Variants in PCDH9 observed in about 807,000 individuals in gnomAD.
The protein encoded by PCDH9 is protocadherin-9.
PCDH9 carries 24 observed loss-of-function variants against 70.6 expected under a neutral mutation model. The observed-to-expected ratio is 0.34, with a 90% CI of 0.25 to 0.48. The LOEUF is 0.48. Ranked by LOEUF, PCDH9 falls within the 20% of genes least tolerant of loss-of-function variation. The probability of loss-of-function intolerance (pLI) is 0.99; values close to 1 mark genes in which losing one functional copy is unlikely to be tolerated. For synonymous variants in PCDH9, 562 were observed against 558.5 expected, an observed-to-expected ratio of 1.01 and a Z score of -0.09; for missense variants, 1,281 against 1,503.6, an observed-to-expected ratio of 0.85 and a Z score of 2.45.
At chr13:66,812,716 ATGACCAAG>A (rs1463940887) in intron 3 of PCDH9, among the ~76,000 whole-genome samples, 1 of 152,242 alleles carries the variant, frequency 6.6e-6, no homozygotes, top group Non-Finnish European at 1.5e-5. Flanking sequence ...GACTAATCTT[ATGACCAAG>A]TGACCACAGT....
At chr13:66,874,237 G>A (rs2081755271) in intron 3 of PCDH9, among the ~76,000 whole-genome samples, 3 of 152,106 alleles carry the variant, frequency 2.0e-5, no homozygotes, top group Non-Finnish European at 2.9e-5. Flanking sequence ...GATTATAATA[G>A]ATTATGACAA....
At chr13:66,688,517 A>C (rs1367806256) in intron 3 of PCDH9, among the ~76,000 whole-genome samples, 1 of 152,134 alleles carries the variant, frequency 6.6e-6, no homozygotes, top group Admixed American at 6.6e-5. Flanking sequence ...TGAAAGTAGA[A>C]GTGGAAAGCT....
chr13:66,535,593 C>G (rs1208803435), intron 4 of PCDH9, among the ~76,000 whole-genome samples: 1 of 152,028 alleles, frequency 6.6e-6, no homozygotes, highest in South Asian at 2.1e-4. Context: ...TGAATTGCCA[C>G]TTTCCAGAAT....
At chr13:66,446,451 G>A (rs1291290358) in intron 4 of PCDH9, among the ~76,000 whole-genome samples, 5 of 151,910 alleles carry the variant, frequency 3.3e-5, no homozygotes, top group Non-Finnish European at 5.9e-5. Flanking sequence ...AAGATGAGTA[G>A]GAAAAAGAAG....
chr13:66,865,185 T>G (rs2081552196), intron 3 of PCDH9, among the ~76,000 whole-genome samples: 1 of 152,210 alleles, frequency 6.6e-6, no homozygotes, highest in Admixed American at 6.5e-5. Context: ...AAATGAATTT[T>G]TAGACGTGGT....
At chr13:66,447,475 T>C (rs1354017448) in intron 4 of PCDH9, among the ~76,000 whole-genome samples, 1 of 152,140 alleles carries the variant, frequency 6.6e-6, no homozygotes, top group Admixed American at 6.5e-5. Context: ...AGAAATTTAC[T>C]TGTGTCTCTC....
At chr13:67,179,362 T>A (rs1594619875) in intron 2 of PCDH9, among the ~76,000 whole-genome samples, 2 of 152,120 alleles carry the variant, frequency 1.3e-5, no homozygotes, top group African/African-American at 4.8e-5. Context: ...ATGGGATCAT[T>A]CAGACTTAAA....
At chr13:66,820,758 A>G (rs1318073755) in intron 3 of PCDH9, among the ~76,000 whole-genome samples, 1 of 152,198 alleles carries the variant, frequency 6.6e-6, no homozygotes, top group Non-Finnish European at 1.5e-5. Context: ...ACAGAAAACT[A>G]AATACTTCAT....
intron 2 of PCDH9, among the ~76,000 whole-genome samples, chr13:67,148,073 A>G (rs913493): frequency 0.2 from 29,799 of 152,134 alleles, 3,508 homozygotes; most frequent in Non-Finnish European, 0.25. Context: ...GTCCCCAGTG[A>G]AAAGTTGAGA....
intron 4 of PCDH9, among the ~76,000 whole-genome samples, chr13:66,623,183 A>C (rs2077452159): frequency 6.6e-6 from 1 of 152,206 alleles, no homozygotes; most frequent in South Asian, 2.1e-4. Context: ...CCAACAACCC[A>C]CCAATTCCGG....
chr13:66,343,260 T>A (rs1227480918), intron 4 of PCDH9, among the ~76,000 whole-genome samples: 1 of 152,178 alleles, frequency 6.6e-6, no homozygotes, highest in African/African-American at 2.4e-5. Context: ...CCATTTATCA[T>A]GTCACAATTC....
rs1410024876 is a variant in PCDH9 at position 66,845,607 on chromosome 13, A to G, written c.3138+57897T>C. On this transcript the variant is annotated intron_variant, in intron 3 of 4. Coordinates refer to ENST00000377865, the MANE Select transcript of PCDH9 (RefSeq NM_203487.3). ...AGTGCACAGGGATGCCTGGATCCAC[A>G]GCGCTAGCTTGGGCAGCAGCCGCTG... is the stretch of plus-strand genomic sequence containing the variant. Among the ~76,000 whole-genome samples the G allele has an allele frequency of 2.6e-5, 4 of 152,130 alleles. No individual in the cohort carries two copies. In the East Asian group the frequency reaches 7.8e-4, roughly 30 times the overall value.
chr13:66,367,479 G>A (rs190307923), intron 4 of PCDH9, among the ~76,000 whole-genome samples: 5 of 152,086 alleles, frequency 3.3e-5, no homozygotes, highest in Admixed American at 6.6e-5. Context: ...AGGCTCAATC[G>A]TAAAACCAAG....
At chr13:66,507,739 T>C (rs997957670) in intron 4 of PCDH9, among the ~76,000 whole-genome samples, 1 of 149,618 alleles carries the variant, frequency 6.7e-6, no homozygotes, top group African/African-American at 2.4e-5. Flanking sequence ...TGTTTGTTTT[T>C]GAGATGGTGT....
chr13:66,861,369 A>G (rs921315261), intron 3 of PCDH9, among the ~76,000 whole-genome samples: 3 of 152,196 alleles, frequency 2.0e-5, no homozygotes, highest in Non-Finnish European at 4.4e-5. Flanking sequence ...TGAGCCCTCT[A>G]TTAGAAACTT....
intron 2 of PCDH9, among the ~76,000 whole-genome samples, chr13:67,104,424 A>C (rs931766913): frequency 1.3e-5 from 2 of 152,150 alleles, no homozygotes; most frequent in African/African-American, 2.4e-5. Context: ...CTTTGGAGTC[A>C]TTTTCCTTCC....
chr13:66,477,224 G>T (rs1304826262), intron 4 of PCDH9, among the ~76,000 whole-genome samples: 1 of 152,040 alleles, frequency 6.6e-6, no homozygotes, highest in Non-Finnish European at 1.5e-5. Flanking sequence ...TACCTGAAGG[G>T]TCTGGATGCC....
At chr13:67,213,310 T>C (rs1209494420) in intron 2 of PCDH9, 1 of 149,886 alleles carries the variant, frequency 6.7e-6, no homozygotes, top group Non-Finnish European at 1.5e-5. Context: ...AATATACATT[T>C]AGCAGTATAT....
intron 3 of PCDH9, among the ~76,000 whole-genome samples, chr13:66,668,803 T>C (rs2139033561): frequency 6.6e-6 from 1 of 152,296 alleles, no homozygotes; most frequent in East Asian, 1.9e-4. Context: ...CATACGTCAG[T>C]TCATTATAAT....
Sources: allele counts gnomAD v4.1 joint callset (sites outside exome capture counted in the v4.1 genomes callset), GRCh38; gene constraint gnomAD v4.1.1; transcripts MANE v1.5; gene names NCBI Gene and HGNC (gene_info 2026-07-23, HGNC 2026-07-21).